Variants in N4BP2 observed in about 807,000 individuals in gnomAD.
N4BP2 encodes the protein NEDD4 binding protein 2.
Under a neutral mutation model 152.8 loss-of-function variants are expected in N4BP2, and 91 were observed. That is an observed-to-expected ratio of 0.60 (90% CI 0.50 to 0.71). The LOEUF (loss-of-function observed/expected upper bound fraction) is 0.71, where lower values mean the gene tolerates loss of function less well. N4BP2 is among the 30% of genes least tolerant of loss of function. The pLI is 0.00. For missense variants in N4BP2, 1,923 were observed against 2,059.1 expected (o/e 0.93, Z 1.28); for synonymous variants, 646 against 705.3 (o/e 0.92, Z 1.33).
chr4:40,064,931 C>A (rs550112665), intron 1 of N4BP2, among the ~76,000 whole-genome samples: 1 of 151,788 alleles, frequency 6.6e-6, no homozygotes, highest in African/African-American at 2.4e-5. Context: ...CCACCACACT[C>A]GCTAAGTTTT....
At chr4:40,187,578 C>T in the N4BP2 span, among the ~76,000 whole-genome samples, 4 of 152,196 alleles carry the variant, frequency 2.6e-5, no homozygotes, top group African/African-American at 9.7e-5. Flanking sequence ...CCTTGGCCTC[C>T]CAAAGCACTA....
chr4:40,115,034 T>A (rs1015651766), intron 7 of N4BP2, among the ~76,000 whole-genome samples: 7 of 152,238 alleles, frequency 4.6e-5, no homozygotes, highest in Non-Finnish European at 8.8e-5. Context: ...AAGTCTCAGC[T>A]TTATTTGAAC....
At chr4:40,126,066 C>A in intron 11 of N4BP2, 68 bp from the exon 12 acceptor site, 4 of 988,884 alleles carry the variant, frequency 4.0e-6, no homozygotes, top group Non-Finnish European at 4.2e-6. Flanking sequence ...GTAAATATAA[C>A]AGAGTGAATA....
chr4:40,121,631 TCTC>T lies in N4BP2; in HGVS notation c.3523_3525del (p.Pro1175del). On this transcript the variant is annotated inframe_deletion, in exon 9 of 18. Coordinates refer to ENST00000261435, the MANE Select transcript of N4BP2 (RefSeq NM_018177.6). The stretch of plus-strand genomic sequence containing the variant: ...AAGAGGAACTTTAGAGAATTCTAAT[TCTC>T]CTGTGCCAGAGTTTAGCCATGGGAT... 6.2e-7 allele frequency: 1 copy of T among 1,614,164 alleles called. No individual in the cohort carries two copies. Among genetic ancestry groups the T allele is most frequent in the East Asian group, 2.2e-5 (1 of 44,876 alleles).
the N4BP2 span, among the ~76,000 whole-genome samples, chr4:40,175,917 C>T: frequency 6.8e-6 from 1 of 147,550 alleles, no homozygotes; most frequent in East Asian, 2.0e-4. Context: ...GGTGAAACCC[C>T]GTCTCTACTA....
At chr4:40,113,887 C>A (rs545844705) in intron 7 of N4BP2, among the ~76,000 whole-genome samples, 16 of 152,238 alleles carry the variant, frequency 1.1e-4, no homozygotes, top group Non-Finnish European at 1.8e-4. Flanking sequence ...CCACCATGCC[C>A]AGCCTGTACT....
chr4:40,167,252 GA>G, the N4BP2 span: 1 of 152,156 alleles, frequency 6.6e-6, no homozygotes, highest in Admixed American at 6.5e-5. Flanking sequence ...GTTCCAGAGT[GA>G]AATACAAGAG....
At chr4:40,176,492 T>C in the N4BP2 span, among the ~76,000 whole-genome samples, 1 of 152,122 alleles carries the variant, frequency 6.6e-6, no homozygotes, top group African/African-American at 2.4e-5. Flanking sequence ...GTGGAGAGTG[T>C]ATAGTTTTGA....
chr4:40,170,509 C>T, the N4BP2 span, among the ~76,000 whole-genome samples: 1 of 152,134 alleles, frequency 6.6e-6, no homozygotes, highest in Non-Finnish European at 1.5e-5. Flanking sequence ...GTCCCATGCG[C>T]CACCACAGTC....
intron 2 of N4BP2, among the ~76,000 whole-genome samples, chr4:40,093,608 A>AT (rs1553920423): frequency 5.4e-5 from 8 of 149,422 alleles, no homozygotes; most frequent in South Asian, 2.1e-4. Context: ...ATTTATTATT[A>AT]TTATTTATTT....
intron 8 of N4BP2, among the ~76,000 whole-genome samples, chr4:40,118,260 G>A (rs1717536510): frequency 1.3e-5 from 2 of 152,164 alleles, no homozygotes; most frequent in South Asian, 4.2e-4. Flanking sequence ...TCCACTAAAA[G>A]TACAAAATTA....
At chr4:40,162,792 A>C (rs554283910), downstream of N4BP2, among the ~76,000 whole-genome samples, 1 of 152,294 alleles carries the variant, frequency 6.6e-6, no homozygotes, top group South Asian at 2.1e-4. Context: ...GTAATTTTGG[A>C]GGCTGAGAAG....
intron 1 of N4BP2, among the ~76,000 whole-genome samples, chr4:40,068,935 A>T (rs1578945255): frequency 1.3e-5 from 2 of 152,122 alleles, no homozygotes; most frequent in South Asian, 4.2e-4. Context: ...CCTGGCCAAC[A>T]TGGTGAAACC....
chr4:40,092,006 AATT>A (rs1300281534), intron 2 of N4BP2, among the ~76,000 whole-genome samples: 2 of 52,930 alleles, frequency 3.8e-5, no homozygotes, highest in Non-Finnish European at 6.7e-5. Flanking sequence ...AAAAAAAAAA[AATT>A]ATATATATAT....
intron 1 of N4BP2, among the ~76,000 whole-genome samples, chr4:40,068,171 G>T (rs531190076): frequency 3.4e-4 from 52 of 152,222 alleles, no homozygotes; most frequent in African/African-American, 1.0e-3. Flanking sequence ...GGGTTATTTG[G>T]ATTTTGTTTG....
intron 11 of N4BP2, among the ~76,000 whole-genome samples, chr4:40,124,699 A>G (rs896447260): frequency 6.6e-5 from 10 of 152,156 alleles, no homozygotes; most frequent in African/African-American, 2.4e-4. Context: ...ATAAAACTTA[A>G]AGGGGGAAAA....
the N4BP2 span, among the ~76,000 whole-genome samples, chr4:40,169,806 A>G: frequency 6.6e-6 from 1 of 151,734 alleles, no homozygotes; most frequent in Non-Finnish European, 1.5e-5. Context: ...CTCTGTTAAA[A>G]ATACAAAAAT....
At chr4:40,075,398 T>C (rs983146731) in intron 2 of N4BP2, among the ~76,000 whole-genome samples, 1 of 152,086 alleles carries the variant, frequency 6.6e-6, no homozygotes, top group Admixed American at 6.6e-5. Context: ...CAGCTTTTCT[T>C]TTATTTATTT....
intron 8 of N4BP2, among the ~76,000 whole-genome samples, chr4:40,118,455 G>A (rs1038918781): frequency 6.6e-6 from 1 of 151,984 alleles, no homozygotes; most frequent in Non-Finnish European, 1.5e-5. Context: ...AATAAATAAG[G>A]TGGACTTTTG....
Sources: allele counts gnomAD v4.1 joint callset (sites outside exome capture counted in the v4.1 genomes callset), GRCh38; gene constraint gnomAD v4.1.1; transcripts MANE v1.5; gene names NCBI Gene and HGNC (gene_info 2026-07-23, HGNC 2026-07-21).